Variants in ST8SIA4 observed in about 807,000 individuals in gnomAD.
ST8SIA4 encodes CMP-N-acetylneuraminate-poly-alpha-2,8-sialyltransferase.
A neutral mutation model predicts 33.9 loss-of-function variants in ST8SIA4; 15 were observed. That is an observed-to-expected ratio of 0.44 (90% confidence interval 0.30 to 0.68). The LOEUF is 0.68. ST8SIA4 is among the 30% of genes least tolerant of loss of function. The pLI, the probability that ST8SIA4 is intolerant of heterozygous loss-of-function variation, is 0.10. For missense variants in ST8SIA4, 321 were observed against 428.0 expected (o/e 0.75, Z 2.21); for synonymous variants, 171 against 151.2 (o/e 1.13, Z -0.96).
intron 2 of ST8SIA4, among the ~76,000 whole-genome samples, chr5:100,888,600 G>T (rs1377469160): frequency 6.6e-6 from 1 of 151,810 alleles, no homozygotes; most frequent in Non-Finnish European, 1.5e-5. Flanking sequence ...TTTTCCTCTA[G>T]TGCTCTTATT....
At chr5:100,899,643 C>G (rs1355409439) in intron 1 of ST8SIA4, among the ~76,000 whole-genome samples, 1 of 152,160 alleles carries the variant, frequency 6.6e-6, no homozygotes, top group Non-Finnish European at 1.5e-5. Context: ...GATTTAAGGA[C>G]TAACAAAACA....
intron 3 of ST8SIA4, among the ~76,000 whole-genome samples, chr5:100,863,073 C>T (rs1751982124): frequency 6.6e-6 from 1 of 152,170 alleles, no homozygotes; most frequent in Non-Finnish European, 1.5e-5. Flanking sequence ...AAGGTTTCAT[C>T]TTTTCTCAGT....
chr5:100,853,636 T>C (rs1751749321), intron 4 of ST8SIA4, among the ~76,000 whole-genome samples: 2 of 152,334 alleles, frequency 1.3e-5, no homozygotes, highest in Admixed American at 6.5e-5. Context: ...ATAATGGTTA[T>C]AAAAGTGAAT....
chr5:100,840,289 C>T (rs1580457259), intron 4 of ST8SIA4, among the ~76,000 whole-genome samples: 1 of 151,624 alleles, frequency 6.6e-6, no homozygotes, highest in African/African-American at 2.4e-5. Flanking sequence ...AGAATACATA[C>T]AGTTGTTTGA....
At chr5:100,872,122 A>G (rs1198121896) in intron 3 of ST8SIA4, among the ~76,000 whole-genome samples, 1 of 152,048 alleles carries the variant, frequency 6.6e-6, no homozygotes, top group Admixed American at 6.6e-5. Flanking sequence ...TATCCATTCA[A>G]TAAATAAATT....
At chr5:100,872,563 G>T (rs865985383) in intron 3 of ST8SIA4, among the ~76,000 whole-genome samples, 2 of 151,976 alleles carry the variant, frequency 1.3e-5, no homozygotes, top group African/African-American at 4.8e-5. Context: ...AGTTTCCTCC[G>T]TCCTGTTCTT....
intron 2 of ST8SIA4, among the ~76,000 whole-genome samples, chr5:100,889,749 T>TAG (rs1752618740): frequency 6.6e-6 from 1 of 151,940 alleles, no homozygotes; most frequent in Admixed American, 6.6e-5. Flanking sequence ...GTCTAACTCT[T>TAG]AGGAGAAACT....
chr5:100,878,412 G>C (rs991699392), intron 3 of ST8SIA4, among the ~76,000 whole-genome samples: 2 of 151,992 alleles, frequency 1.3e-5, no homozygotes, highest in African/African-American at 2.4e-5. Context: ...CCCGACCTCA[G>C]GTGATCCAAC....
At chr5:100,864,160 A>G (rs1199102860) in intron 3 of ST8SIA4, among the ~76,000 whole-genome samples, 1 of 152,218 alleles carries the variant, frequency 6.6e-6, no homozygotes, top group Non-Finnish European at 1.5e-5. Flanking sequence ...ATTTGTAAAT[A>G]CTTTTATCAA....
chr5:100,888,150 A>T (rs1752581434), intron 2 of ST8SIA4, among the ~76,000 whole-genome samples: 1 of 151,594 alleles, frequency 6.6e-6, no homozygotes, highest in Non-Finnish European at 1.5e-5. Context: ...GGTTATTTAC[A>T]CCTGGAACTA....
intron 3 of ST8SIA4, among the ~76,000 whole-genome samples, chr5:100,857,242 A>G (rs1227058367): frequency 6.6e-6 from 1 of 151,954 alleles, no homozygotes; most frequent in East Asian, 1.9e-4. Flanking sequence ...TGTTATTTAT[A>G]TTTATATAAT....
intron 2 of ST8SIA4, among the ~76,000 whole-genome samples, chr5:100,894,883 G>A (rs1043151907): frequency 6.6e-6 from 1 of 152,024 alleles, no homozygotes; most frequent in African/African-American, 2.4e-5. Flanking sequence ...TATAACGAAT[G>A]TATTCTTTCA....
intron 3 of ST8SIA4, among the ~76,000 whole-genome samples, chr5:100,880,763 T>G (rs760820343): frequency 1.3e-5 from 2 of 152,160 alleles, no homozygotes; most frequent in Admixed American, 6.5e-5. Context: ...GAAGGTAATA[T>G]CTATAGAATT....
chr5:100,828,670 A>G (rs189201061), intron 4 of ST8SIA4, among the ~76,000 whole-genome samples: 89 of 152,328 alleles, frequency 5.8e-4, no homozygotes, highest in African/African-American at 2.1e-3. Context: ...CTTTGCCTCT[A>G]GAAAATTTAG....
At chr5:100,835,522 A>G (rs1241572896) in intron 4 of ST8SIA4, among the ~76,000 whole-genome samples, 4 of 152,184 alleles carry the variant, frequency 2.6e-5, no homozygotes, top group Admixed American at 2.0e-4. Flanking sequence ...TATTGCTATT[A>G]CTGGTGGTTA....
chr5:100,885,918 G>C (rs1046091146), intron 3 of ST8SIA4: 1 of 819,250 alleles, frequency 1.2e-6, no homozygotes, highest in South Asian at 5.5e-5. Flanking sequence ...CTATCTCCTA[G>C]ATAATTATTA....
Position 100,886,638 on chromosome 5 carries a change from C to G in ST8SIA4, c.246-38G>C, listed in dbSNP as rs775288265. 30 of 1,525,894 alleles carry G rather than the reference C, an allele frequency of 2.0e-5. No homozygotes were observed. The South Asian group carries it at 2.8e-4, about 14-fold the overall frequency. The allele number at this position is 1,525,894 out of a possible 1,614,324, so 94.5% of individuals were successfully genotyped here. On this transcript the variant is annotated intron_variant, in intron 2 of 4. Coordinates refer to ENST00000231461, the MANE Select transcript of ST8SIA4 (RefSeq NM_005668.6). ...TACAAGCAAAGTTTTACATTACCAT[C>G]AGCATATCCAAGAACTGATGGTGTC...
At chr5:100,814,284 C>T (rs1398285403) in intron 4 of ST8SIA4, among the ~76,000 whole-genome samples, 3 of 151,992 alleles carry the variant, frequency 2.0e-5, no homozygotes, top group Non-Finnish European at 2.9e-5. Context: ...TGCAAAGCAT[C>T]TTATTTGAAA....
chr5:100,902,648 T>C (rs1752946323), intron 1 of ST8SIA4, among the ~76,000 whole-genome samples, 195 bp downstream of exon 1: 1 of 152,176 alleles, frequency 6.6e-6, no homozygotes, highest in Non-Finnish European at 1.5e-5. Context: ...CAGAGCAAGT[T>C]GAACTCATAC....
Sources: gnomAD v4.1 joint callset for allele counts (sites outside exome capture counted in the v4.1 genomes callset) on GRCh38, gnomAD v4.1.1 for gene constraint, MANE v1.5 for transcripts, NCBI Gene and HGNC (gene_info 2026-07-23, HGNC 2026-07-21) for gene names.